The following TGIF1 variants were observed in gnomAD, a reference collection of about 807,000 sequenced individuals.
TGIF1 encodes the protein TGFB induced factor homeobox 1, also known as homeobox protein TGIF1.
In TGIF1, 4 loss-of-function variants were observed where a neutral mutation model predicts 19.3. The observed-to-expected ratio is 0.21, with a 90% CI of 0.10 to 0.47. TGIF1 has a LOEUF of 0.47. Ranked by LOEUF, TGIF1 falls within the 20% of genes least tolerant of loss-of-function variation. TGIF1 has a pLI of 0.98. For missense variants in TGIF1, 275 were observed against 341.4 expected (o/e 0.81, Z 1.53); for synonymous variants, 122 against 129.3 (o/e 0.94, Z 0.38).
At position 3,415,624 on chromosome 18, in the gene TGIF1, C is replaced by T. The variant is rs1161755716; in HGVS notation, c.-117-2519C>T. ...CCTTTTGAAAGCTCTATTTAATTATCGGTGAAGAAGTGACTTTGGTTACAT... is the reference window on the plus strand; with the variant it reads ...CCTTTTGAAAGCTCTATTTAATTATTGGTGAAGAAGTGACTTTGGTTACAT... On this transcript the variant is annotated intron_variant, in intron 1 of 3. Transcript: ENST00000401449. 2.5e-5 allele frequency: 5 copies of T among 198,100 alleles called. No individual in the cohort carries two copies. In the South Asian group the frequency reaches 2.7e-4, roughly 11 times the overall value. 12.3% of individuals were successfully genotyped at this position (198,100 alleles called of 1,614,324 possible).
intron 2 of TGIF1, among the ~76,000 whole-genome samples, chr18:3,435,449 C>T (rs1310303443): frequency 8.5e-5 from 13 of 152,252 alleles, no homozygotes; most frequent in African/African-American, 2.9e-4. Flanking sequence ...CCGCCTGCCT[C>T]GGCCTCCCAA....
intron 1 of TGIF1, chr18:3,453,719 G>GA (rs2083071310): frequency 1.5e-6 from 1 of 646,772 alleles, no homozygotes; most frequent in Non-Finnish European, 1.9e-6. Flanking sequence ...GAACGTGCAG[G>GA]AACAAGGTCG....
intron 2 of TGIF1, among the ~76,000 whole-genome samples, chr18:3,429,259 G>A (rs1205350534): frequency 6.6e-6 from 1 of 151,902 alleles, no homozygotes; most frequent in African/African-American, 2.4e-5. Flanking sequence ...CTGGAGTCTC[G>A]CTTTGTTTGT....
At position 3,457,651 on chromosome 18, in the gene TGIF1, C is replaced by G. The variant is rs1443811956; in HGVS notation, c.530C>G (p.Thr177Ser). ...CGTCCATCAGTGATCTGCCATACCA[C>G]TGTGACTGCATTGAAAGATGTCCCT... is the stretch of plus-strand genomic sequence containing the variant. ...LARPSVICHT[T>S]VTALKDVPFS... The change falls in exon 3 of 3, where the codon ACT becomes AGT. Residue 177 changes from threonine to serine, a missense_variant. Coordinates refer to ENST00000343820, the MANE Select transcript of TGIF1 (RefSeq NM_003244.4). The surrounding 1 kb of genome is among the most constrained non-coding windows in gnomAD (Gnocchi z 4.9). 1.2e-6 allele frequency: 2 copies of G among 1,614,128 alleles called. No individual in the cohort carries two copies. The highest frequency in any genetic ancestry group is 1.7e-6 in the Non-Finnish European group (2 of 1,180,056).
chr18:3,430,443 T>G (rs982490235), intron 2 of TGIF1, among the ~76,000 whole-genome samples: 3 of 152,216 alleles, frequency 2.0e-5, no homozygotes, highest in Non-Finnish European at 4.4e-5. Context: ...TATATTATTA[T>G]TTTACATGTA....
intron 2 of TGIF1, among the ~76,000 whole-genome samples, chr18:3,435,322 A>G (rs2082601583): frequency 6.6e-6 from 1 of 151,616 alleles, no homozygotes; most frequent in Admixed American, 6.6e-5. Context: ...TCAGCCTCCC[A>G]AGTAGCTGGG....
At chr18:3,450,094 G>T, upstream of TGIF1, 1 of 1,050,366 alleles carries the variant, frequency 9.5e-7, no homozygotes, top group Non-Finnish European at 1.1e-6. Flanking sequence ...GCGGAGGAGC[G>T]GCGGGGCGGG....
At chr18:3,415,542 C>T (rs917398655) in intron 1 of TGIF1, 43 of 411,312 alleles carry the variant, frequency 1.0e-4, no homozygotes, top group African/African-American at 6.0e-5. Flanking sequence ...CTTTAGAGCC[C>T]GCAGACCAGG....
chr18:3,442,803 C>T (rs2082691646), intron 2 of TGIF1, among the ~76,000 whole-genome samples: 1 of 152,030 alleles, frequency 6.6e-6, no homozygotes, highest in African/African-American at 2.4e-5. Flanking sequence ...CTAATACATA[C>T]ACAAAAATGG....
chr18:3,422,685 T>C (rs1434920459), intron 2 of TGIF1, among the ~76,000 whole-genome samples: 1 of 125,058 alleles, frequency 8.0e-6, no homozygotes, highest in Non-Finnish European at 1.7e-5. Flanking sequence ...TTTTTTTTTT[T>C]TTTTTTTTTT....
chr18:3,420,686 A>T (rs2082388736), intron 2 of TGIF1, among the ~76,000 whole-genome samples: 1 of 152,362 alleles, frequency 6.6e-6, no homozygotes, highest in East Asian at 1.9e-4. Flanking sequence ...ACACTAATCA[A>T]AAGAAAGCTA....
intron 2 of TGIF1, among the ~76,000 whole-genome samples, chr18:3,427,596 T>C (rs1318220258): frequency 5.3e-5 from 8 of 149,556 alleles, no homozygotes; most frequent in Non-Finnish European, 1.2e-4. Context: ...TGAGCCAGAA[T>C]ATATTCTTTT....
At chr18:3,448,085 T>C, upstream of TGIF1, 8 of 968,616 alleles carry the variant, frequency 8.3e-6, no homozygotes, top group South Asian at 4.8e-5. Context: ...GGGGGGGAGG[T>C]AGGGTTAAAC....
intron 1 of TGIF1, chr18:3,412,807 A>T (rs2082287554): frequency 6.6e-6 from 1 of 152,030 alleles, no homozygotes; most frequent in African/African-American, 2.4e-5. Flanking sequence ...GATAAAACAG[A>T]CTTACCTAGC....
At chr18:3,444,656 G>C (rs1187957443) in intron 2 of TGIF1, among the ~76,000 whole-genome samples, 3 of 152,060 alleles carry the variant, frequency 2.0e-5, no homozygotes, top group African/African-American at 7.2e-5. Context: ...TTTTGAGACG[G>C]AGTCTCACTC....
chr18:3,447,724 T>C (rs190454746), upstream of TGIF1: 651 of 1,614,200 alleles, frequency 4.0e-4, 4 homozygotes, highest in African/African-American at 6.6e-3. Context: ...TCGCCAGCTT[T>C]AACAACCGTT....
intron 1 of TGIF1, chr18:3,452,220 C>G (rs746165812): frequency 6.3e-7 from 1 of 1,587,032 alleles, no homozygotes; most frequent in Non-Finnish European, 8.6e-7. Context: ...CTCCTGCGCC[C>G]CCCCTCCTCC....
chr18:3,415,154 G>T (rs1005162730), intron 1 of TGIF1: 1 of 171,400 alleles, frequency 5.8e-6, no homozygotes, highest in African/African-American at 2.7e-5. Context: ...CATGATCCCG[G>T]CTCTGCCTTC....
upstream of TGIF1, among the ~76,000 whole-genome samples, chr18:3,445,765 CA>C (rs755240649): frequency 0.17 from 6,018 of 35,696 alleles, 94 homozygotes; most frequent in East Asian, 0.26. Flanking sequence ...AGAAGAAAAG[CA>C]AAAAAAAAAA....
Sources: allele counts gnomAD v4.1 joint callset (sites outside exome capture counted in the v4.1 genomes callset), GRCh38; gene constraint gnomAD v4.1.1; non-coding constraint Gnocchi (gnomAD v3.1); transcripts MANE v1.5; gene names NCBI Gene and HGNC (gene_info 2026-07-23, HGNC 2026-07-21).